The following NOTCH2NLA variants were observed in gnomAD, a reference collection of about 807,000 sequenced individuals.
NOTCH2NLA encodes the protein notch 2 N-terminal like A, also known as notch homolog 2 N-terminal-like protein A.
chr1:146,151,197 AG>A (rs1244273798), downstream of NOTCH2NLA, among the ~76,000 whole-genome samples: 244 of 64,082 alleles, frequency 3.8e-3, 2 homozygotes, highest in Non-Finnish European at 3.7e-3. Flanking sequence ...AGGCACCTGT[AG>A]TCCCAGCTAC....
intron 1 of NOTCH2NLA, among the ~76,000 whole-genome samples, chr1:146,198,793 T>C: frequency 1.0e-5 from 1 of 96,686 alleles, no homozygotes; most frequent in South Asian, 3.2e-4. Flanking sequence ...TTTTAAAGCT[T>C]TTTTTTTTTT....
intron 3 of NOTCH2NLA, among the ~76,000 whole-genome samples, chr1:146,159,393 G>GAGAAAGAAAGAAAGAAAGAAAGAA (rs201617510): frequency 2.3e-4 from 26 of 111,152 alleles, no homozygotes; most frequent in East Asian, 5.5e-4. Context: ...GAGAAAGAGA[G>GAGAAAGAAAGAAAGAAAGAAAGAA]AGAAAGAAAG....
intron 3 of NOTCH2NLA, among the ~76,000 whole-genome samples, chr1:146,159,449 G>A (rs1424801983): frequency 1.3e-4 from 17 of 133,194 alleles, no homozygotes; most frequent in South Asian, 2.5e-4. Context: ...GAAAGAAAGA[G>A]AAAGAAAGAA....
chr1:146,180,266 C>A (rs1382457424), intron 2 of NOTCH2NLA, among the ~76,000 whole-genome samples: 1 of 143,012 alleles, frequency 7.0e-6, no homozygotes, highest in Non-Finnish European at 1.6e-5. Context: ...CCTTTCTCCT[C>A]ATATTTACGT....
chr1:146,162,418 GATTGA>G (rs1402839361), intron 3 of NOTCH2NLA, among the ~76,000 whole-genome samples: 3 of 147,344 alleles, frequency 2.0e-5, no homozygotes, highest in Non-Finnish European at 4.5e-5. Context: ...GTGTCAACTT[GATTGA>G]ATTGAAGGAT....
chr1:146,158,650 G>T (rs1188956198), intron 3 of NOTCH2NLA, among the ~76,000 whole-genome samples: 1 of 152,020 alleles, frequency 6.6e-6, no homozygotes, highest in Non-Finnish European at 1.5e-5. Context: ...CTTTATAGCA[G>T]CACGATTTAT....
At chr1:146,185,551 G>C (rs1283227822) in intron 2 of NOTCH2NLA, among the ~76,000 whole-genome samples, 1 of 136,336 alleles carries the variant, frequency 7.3e-6, no homozygotes, top group African/African-American at 2.5e-5. Flanking sequence ...GTTGAGCTGA[G>C]TACAAAACTA....
intron 2 of NOTCH2NLA, among the ~76,000 whole-genome samples, chr1:146,175,701 T>TA (rs1398352642): frequency 7.6e-6 from 1 of 130,836 alleles, no homozygotes; most frequent in Non-Finnish European, 1.8e-5. Context: ...ATTTCTGCTT[T>TA]TCTTGTAGAA....
chr1:146,171,492 C>G (rs1203681762), intron 2 of NOTCH2NLA, among the ~76,000 whole-genome samples: 1 of 125,882 alleles, frequency 7.9e-6, no homozygotes, highest in African/African-American at 2.6e-5. Flanking sequence ...CAAGTAGACT[C>G]TAGAGTGCGT....
At chr1:146,162,188 G>C (rs1310739273) in intron 3 of NOTCH2NLA, among the ~76,000 whole-genome samples, 8 of 141,988 alleles carry the variant, frequency 5.6e-5, no homozygotes, top group African/African-American at 2.1e-4. Context: ...TGTGACATAA[G>C]ATTTATTGAC....
chr1:146,199,917 A>C (rs1217273539), intron 1 of NOTCH2NLA, among the ~76,000 whole-genome samples: 3 of 12,842 alleles, frequency 2.3e-4, no homozygotes, highest in African/African-American at 4.9e-4. Context: ...GGTGTGCTGC[A>C]CCCATTAACT....
Position 146,180,303 on chromosome 1 carries a change from A to C in NOTCH2NLA, c.38+8997T>G, listed in dbSNP as rs2261875. On this transcript the variant is annotated intron_variant, in intron 2 of 4. Transcript: ENST00000362074. The stretch of plus-strand genomic sequence containing the variant: ...AAGGCAAAAAACTGGATAGAATGCT[A>C]TAGTTGAATGTGTTCACTGAATAAT... Among the ~76,000 whole-genome samples, 21 of 143,056 alleles carry C rather than the reference A, an allele frequency of 1.5e-4. 1 individual carries two copies. Among genetic ancestry groups the C allele is most frequent in the East Asian group, 3.9e-4 (2 of 5,156 alleles). 93.9% of individuals were successfully genotyped at this position (143,056 alleles called of 152,430 possible).
chr1:146,185,409 T>C (rs1317471990), intron 2 of NOTCH2NLA, among the ~76,000 whole-genome samples: 3 of 135,594 alleles, frequency 2.2e-5, no homozygotes, highest in African/African-American at 7.5e-5. Context: ...AGGGCTTTAT[T>C]AAGATTTGAC....
At chr1:146,162,162 CCTTT>C (rs1661541273) in intron 3 of NOTCH2NLA, among the ~76,000 whole-genome samples, 1 of 141,048 alleles carries the variant, frequency 7.1e-6, no homozygotes, top group Admixed American at 7.7e-5. Context: ...CATTTTATTT[CCTTT>C]CTCCTTTATC....
At chr1:146,180,138 G>A (rs1662471620) in intron 2 of NOTCH2NLA, among the ~76,000 whole-genome samples, 1 of 143,034 alleles carries the variant, frequency 7.0e-6, no homozygotes, top group African/African-American at 2.4e-5. Flanking sequence ...TCAGTGTTCA[G>A]CACACAGGAT....
chr1:146,185,404 TTTA>T (rs1360492350), intron 2 of NOTCH2NLA, among the ~76,000 whole-genome samples: 1 of 135,554 alleles, frequency 7.4e-6, no homozygotes, highest in East Asian at 2.0e-4. Context: ...GTGAGAGGGC[TTTA>T]TTAAGATTTG....
chr1:146,159,930 G>A (rs1187016798), intron 3 of NOTCH2NLA, among the ~76,000 whole-genome samples: 4 of 36,576 alleles, frequency 1.1e-4, no homozygotes, highest in Admixed American at 1.2e-3. Context: ...ATTGCACCCT[G>A]CACTCCAGCC....
chr1:146,174,713 C>G (rs1425901253), intron 2 of NOTCH2NLA, among the ~76,000 whole-genome samples: 3 of 144,146 alleles, frequency 2.1e-5, no homozygotes, highest in Admixed American at 7.1e-5. Context: ...TCTTCTTGCA[C>G]TGGGCCTCTT....
chr1:146,186,361 T>C (rs1417286363), intron 2 of NOTCH2NLA, among the ~76,000 whole-genome samples: 5 of 127,032 alleles, frequency 3.9e-5, no homozygotes, highest in Admixed American at 2.4e-4. Context: ...ATTTTCTTTT[T>C]TTTTTTTTTT....
Sources: gnomAD v4.1 joint callset for allele counts (sites outside exome capture counted in the v4.1 genomes callset) on GRCh38, gnomAD v4.1.1 for gene constraint, MANE v1.5 for transcripts, NCBI Gene and HGNC (gene_info 2026-07-23, HGNC 2026-07-21) for gene names.